The following PRDM9 variants were observed in gnomAD, a reference collection of about 807,000 sequenced individuals.
PRDM9 encodes histone-lysine N-methyltransferase PRDM9.
PRDM9 carries 47 observed loss-of-function variants against 55.6 expected under a neutral mutation model. The ratio of observed to expected loss-of-function variants is 0.85; its 90% confidence interval spans 0.67 to 1.08. The LOEUF (loss-of-function observed/expected upper bound fraction) is 1.08, where lower values mean the gene tolerates loss of function less well. Among genes scored for constraint, PRDM9 ranks in the 50% least tolerant of loss-of-function variants. The probability of loss-of-function intolerance (pLI) is 0.00; values close to 1 mark genes in which losing one functional copy is unlikely to be tolerated. For synonymous variants in PRDM9, 312 were observed against 375.7 expected (o/e 0.83, Z 1.96); for missense variants, 867 against 1,040.3 (o/e 0.83, Z 2.29).
intron 4 of PRDM9, among the ~76,000 whole-genome samples, chr5:23,513,860 C>T (rs1739148980): frequency 6.6e-6 from 1 of 152,116 alleles, no homozygotes; most frequent in Non-Finnish European, 1.5e-5. Context: ...GCCTGGGCAA[C>T]AGAACGAGAC....
intron 8 of PRDM9, 103 bp downstream of exon 8, chr5:23,522,988 A>G (rs929612506): frequency 6.3e-7 from 1 of 1,585,968 alleles, no homozygotes; most frequent in Non-Finnish European, 8.7e-7. Context: ...TAAGGATAAC[A>G]TGGTTAGCTC....
chr5:23,512,240 T>C (rs530716330), intron 4 of PRDM9, among the ~76,000 whole-genome samples: 16 of 152,194 alleles, frequency 1.1e-4, no homozygotes, highest in Non-Finnish European at 1.9e-4. Context: ...CTGTTTAGTT[T>C]CCCTGATCTT....
chr5:23,512,401 C>A (rs1739116411), intron 4 of PRDM9, among the ~76,000 whole-genome samples: 1 of 152,076 alleles, frequency 6.6e-6, no homozygotes, highest in Admixed American at 6.6e-5. Context: ...CTAGAGAAAG[C>A]AACTTGGATT....
intron 2 of PRDM9, 74 bp from the exon 3 acceptor site, chr5:23,509,396 C>A: frequency 6.2e-7 from 1 of 1,609,102 alleles, no homozygotes; most frequent in South Asian, 1.1e-5. Flanking sequence ...CTATGTCCTA[C>A]ACACAGGGTA....
Position 23,521,184 on chromosome 5 carries a change from G to A in PRDM9, c.508+5G>A. 1 of 1,612,690 alleles carries A rather than the reference G, an allele frequency of 6.2e-7. No homozygotes were observed. The highest frequency in any genetic ancestry group is 1.1e-5 in the South Asian group (1 of 91,020). Reference sequence around the variant, plus strand: ...AGCACTCAAGACTAAAACTGGGTAAGAAAAAATATTTGCGGGGACTTTAGT... The same window carrying A: ...AGCACTCAAGACTAAAACTGGGTAAAAAAAAATATTTGCGGGGACTTTAGT... On this transcript the variant is annotated splice_donor_5th_base_variant and intron_variant, in intron 6 of 10. Transcript: ENST00000296682.
chr5:23,527,364 A>G lies in PRDM9; in HGVS notation c.2276A>G (p.Asp759Gly), dbSNP rs369115376. 7.0e-7 allele frequency: 1 copy of G among 1,423,452 alleles called. No individual in the cohort carries two copies. 88.2% of individuals were successfully genotyped at this position (1,423,452 alleles called of 1,614,324 possible). ...VCRECGRGFR[D>G]KSHLLRHQRT... ...AGGGAGTGTGGGCGGGGCTTTCGCG[A>G]TAAGTCACACCTCCTCAGACACCAG... The change falls in exon 11 of 11, where the codon GAT becomes GGT. Residue 759 changes from aspartate (D) to glycine (G), a missense_variant. Physicochemically the swap from Asp to Gly is moderately conservative, Grantham distance 94. This residue lies in a region of PRDM9 where 92 missense variants were observed against 185.7 expected (regional missense o/e 0.50). Coordinates refer to ENST00000296682, the MANE Select transcript of PRDM9 (RefSeq NM_020227.4).
chr5:23,520,946 A>C, intron 5 of PRDM9, 77 bp from the exon 6 acceptor site: 1 of 1,506,978 alleles, frequency 6.6e-7, no homozygotes, highest in East Asian at 2.3e-5. Context: ...AGAGTCATGC[A>C]TATGAAAACA....
intron 1 of PRDM9, 92 bp from the exon 2 acceptor site, chr5:23,508,858 C>G (rs2126404552): frequency 2.8e-6 from 2 of 722,338 alleles, no homozygotes; most frequent in East Asian, 5.5e-5. Context: ...CATCTTCCTG[C>G]TCTGAACACC....
At chr5:23,509,708 A>C in intron 3 of PRDM9, 115 bp downstream of exon 3, 1 of 1,573,272 alleles carries the variant, frequency 6.4e-7, no homozygotes, top group Non-Finnish European at 8.7e-7. Context: ...TTTTTCATGT[A>C]GACAAATCTG....
At chr5:23,509,641 G>T (rs748898711) in intron 3 of PRDM9, 48 bp downstream of exon 3, 1 of 1,613,644 alleles carries the variant, frequency 6.2e-7, no homozygotes, top group Non-Finnish European at 8.5e-7. Context: ...CATAAAACAG[G>T]TCTTTGGTCC....
chr5:23,510,165 C>A, intron 4 of PRDM9, 138 bp downstream of exon 4: 1 of 847,126 alleles, frequency 1.2e-6, no homozygotes, highest in South Asian at 1.7e-5. Context: ...AGCGATTCTC[C>A]TGCCTCAGCC....
intron 5 of PRDM9, among the ~76,000 whole-genome samples, chr5:23,518,608 C>T (rs1273816713): frequency 1.3e-5 from 2 of 152,212 alleles, no homozygotes; most frequent in Non-Finnish European, 2.9e-5. Context: ...GCTTCCAGCC[C>T]TGAGGAGTTT....
upstream of PRDM9, chr5:23,507,516 G>C (rs1739002752): frequency 6.6e-6 from 1 of 152,356 alleles, no homozygotes; most frequent in Non-Finnish European, 1.5e-5. Flanking sequence ...AGCGCCTCCT[G>C]ACTGCTGAAT....
intron 4 of PRDM9, among the ~76,000 whole-genome samples, chr5:23,513,094 A>G (rs745418250): frequency 3.3e-5 from 5 of 152,210 alleles, no homozygotes; most frequent in Non-Finnish European, 7.3e-5. Flanking sequence ...ATCAGTGTGC[A>G]AATATCTCTT....
chr5:23,525,076 G>C (rs1739405649), intron 10 of PRDM9, among the ~76,000 whole-genome samples: 1 of 152,230 alleles, frequency 6.6e-6, no homozygotes, highest in Non-Finnish European at 1.5e-5. Flanking sequence ...GTGCTTTGAA[G>C]TAAATGAATC....
Position 23,528,076 on chromosome 5 carries a change from T to A in PRDM9, c.*303T>A. On this transcript the variant is annotated 3_prime_UTR_variant, in exon 11 of 11. Transcript: ENST00000296682. ...TTGCCTCCTGTTCTAATAAATTTTG[T>A]CTCCATACAAATCTGAACCCCAAGT... 6.2e-6 allele frequency: 3 copies of A among 481,006 alleles called. No homozygotes were observed. The highest frequency in any genetic ancestry group is 1.1e-5 in the Non-Finnish European group (3 of 264,686). The allele number at this position is 481,006 out of a possible 1,614,324, so 29.8% of individuals were successfully genotyped here.
intron 10 of PRDM9, 146 bp from the exon 11 acceptor site, chr5:23,526,087 T>A: frequency 1.1e-6 from 1 of 915,860 alleles, no homozygotes; most frequent in Non-Finnish European, 1.7e-6. Flanking sequence ...AAAAATGGAC[T>A]GTAAAGGTCC....
At chr5:23,508,906 T>C in intron 1 of PRDM9, 44 bp from the exon 2 acceptor site, 1 of 1,089,556 alleles carries the variant, frequency 9.2e-7, no homozygotes, top group Non-Finnish European at 1.4e-6. Flanking sequence ...TTCTGGGTAG[T>C]GCTCAGGGCT....
At position 23,509,460 on chromosome 5, in the gene PRDM9, C is replaced by T. The variant is rs1313948783; in HGVS notation, c.70-10C>T. On this transcript the variant is annotated splice_polypyrimidine_tract_variant and intron_variant, in intron 2 of 10. Transcript: ENST00000296682. ...AGTAAATCACTGATGGAATCTGTTA[C>T]TTCCTCTAGGTCAAAGATGCCTTCA... 2 of 1,614,158 alleles carry T rather than the reference C, an allele frequency of 1.2e-6. No individual in the cohort carries two copies. Among genetic ancestry groups the T allele is most frequent in the East Asian group, 2.2e-5 (1 of 44,864 alleles).
Sources: gnomAD v4.1 joint callset for allele counts (sites outside exome capture counted in the v4.1 genomes callset) on GRCh38, gnomAD v4.1.1 for gene constraint, gnomAD v4.1.1 regional missense constraint, MANE v1.5 for transcripts, NCBI Gene and HGNC (gene_info 2026-07-23, HGNC 2026-07-21) for gene names.